Variants in BCAS3 observed in about 807,000 individuals in gnomAD.
The protein encoded by BCAS3 is BCAS3 microtubule associated cell migration factor, also known as BCAS4/BCAS3 fusion.
In BCAS3, 53 loss-of-function variants were observed where a neutral mutation model predicts 116.1. The ratio of observed to expected loss-of-function variants is 0.46; its 90% CI spans 0.37 to 0.57. The LOEUF (loss-of-function observed/expected upper bound fraction) is 0.57, where lower values mean the gene tolerates loss of function less well. BCAS3 is among the 20% of genes least tolerant of loss of function. The pLI is 0.00. For missense variants in BCAS3, 917 were observed against 1,165.4 expected (o/e 0.79, Z 3.10); for synonymous variants, 391 against 408.2 (o/e 0.96, Z 0.51).
chr17:60,874,883 TTGAGTAATA>T, intron 9 of BCAS3, 145 bp downstream of exon 9: 1 of 529,072 alleles, frequency 1.9e-6, no homozygotes, highest in Non-Finnish European at 3.3e-6. Flanking sequence ...GCTATTCTCA[TTGAGTAATA>T]TTCTTGTATG....
chr17:61,236,250 G>C lies in BCAS3; in HGVS notation c.2426-132077G>C, dbSNP rs544412570. ...GTGGTGTTCTGTAGGAAAGTGGGAGGACAGGGGCAAGTTGCTCTTCTTCTT... is the reference window on the plus strand; with the variant it reads ...GTGGTGTTCTGTAGGAAAGTGGGAGCACAGGGGCAAGTTGCTCTTCTTCTT... On this transcript the variant is annotated intron_variant, in intron 22 of 23. Transcript: ENST00000407086. Among the ~76,000 whole-genome samples the C allele has an allele frequency of 2.6e-5, 4 of 152,302 alleles. No homozygotes were observed. The South Asian group carries it at 8.3e-4, about 32-fold the overall frequency.
chr17:61,214,442 T>C lies in BCAS3; in HGVS notation c.2425+129878T>C, dbSNP rs2081651606. Among the ~76,000 whole-genome samples, 1 of 152,000 alleles carries C rather than the reference T, an allele frequency of 6.6e-6. No homozygotes were observed. The highest frequency in any genetic ancestry group is 2.4e-5 in the African/African-American group (1 of 41,368). On this transcript the variant is annotated intron_variant, in intron 22 of 23. Coordinates refer to ENST00000407086, the MANE Select transcript of BCAS3 (RefSeq NM_017679.5). The surrounding 1 kb of genome is among the most constrained non-coding windows in gnomAD (Gnocchi z 4.4). ...GCTCATGCCTGTAATCCCAGCACTT[T>C]GCAAGGCCGAGGCAGGTGGATCACA... is the stretch of plus-strand genomic sequence containing the variant.
chr17:61,300,845 G>A lies in BCAS3; in HGVS notation c.2426-67482G>A. 6.6e-6 allele frequency among the ~76,000 whole-genome samples: 1 copy of A among 152,056 alleles called. No homozygotes were observed. Among genetic ancestry groups the A allele is most frequent in the Admixed American group, 6.5e-5 (1 of 15,272 alleles). On this transcript the variant is annotated intron_variant, in intron 22 of 23. Coordinates refer to ENST00000407086, the MANE Select transcript of BCAS3 (RefSeq NM_017679.5). The surrounding 1 kb of genome is among the most constrained non-coding windows in gnomAD (Gnocchi z 5.1). ...CCCTCCCTCTTCTAGCCTCTGCCCA[G>A]GAATCATTTGTAGGCAAACACATAT...
At chr17:61,110,322 T>C (rs1403526992) in intron 22 of BCAS3, among the ~76,000 whole-genome samples, 1 of 152,148 alleles carries the variant, frequency 6.6e-6, no homozygotes, top group Non-Finnish European at 1.5e-5. Flanking sequence ...TGCATTTCCA[T>C]CTGAGGTACC....
chr17:60,895,793 G>T (rs911940332), intron 10 of BCAS3, among the ~76,000 whole-genome samples: 2 of 152,098 alleles, frequency 1.3e-5, no homozygotes, highest in Non-Finnish European at 2.9e-5. Flanking sequence ...TAGTGTTCAG[G>T]GGCATGTTAT....
intron 4 of BCAS3, 72 bp downstream of exon 4, chr17:60,689,833 C>A: frequency 4.7e-6 from 5 of 1,055,564 alleles, no homozygotes; most frequent in South Asian, 1.4e-5. Context: ...AAAAAGAGAG[C>A]CTCTACTTTA....
chr17:60,840,679 T>A (rs2051820922), intron 7 of BCAS3, among the ~76,000 whole-genome samples: 1 of 152,138 alleles, frequency 6.6e-6, no homozygotes, highest in Admixed American at 6.5e-5. Flanking sequence ...TGTCAGAAGG[T>A]TTCCCCGTGT....
intron 22 of BCAS3, among the ~76,000 whole-genome samples, chr17:61,257,708 A>G (rs575948186): frequency 7.0e-4 from 106 of 152,318 alleles, no homozygotes; most frequent in Non-Finnish European, 1.4e-3. Context: ...TTTGGGATCA[A>G]TCAAATAATT....
chr17:61,191,511 C>T (rs963526493), intron 22 of BCAS3, among the ~76,000 whole-genome samples: 36 of 152,284 alleles, frequency 2.4e-4, no homozygotes, highest in Admixed American at 6.5e-4. Context: ...CGCGGTGGCT[C>T]ACGCCTGTAA....
rs2043137344 is a variant in BCAS3, at chr17:60,757,658, T to C, written c.403+10379T>C. ...TGAGTTCTTTGTATACTCTGGATAT[T>C]AGTCCCTTATTGGATGAATAGTTTG... is the stretch of plus-strand genomic sequence containing the variant. On this transcript the variant is annotated intron_variant, in intron 6 of 23. Transcript: ENST00000407086. Among the ~76,000 whole-genome samples the C allele has an allele frequency of 1.3e-5, 2 of 152,174 alleles. 1 individual carries two copies. Among genetic ancestry groups the C allele is most frequent in the South Asian group, 4.1e-4 (2 of 4,830 alleles).
In BCAS3 at chr17:61,217,414, A is replaced by G. The variant is rs2081864215; in HGVS notation, c.2425+132850A>G. Among the ~76,000 whole-genome samples, 1 of 152,254 alleles carries G rather than the reference A, an allele frequency of 6.6e-6. No individual in the cohort carries two copies. The highest frequency in any genetic ancestry group is 2.4e-5 in the African/African-American group (1 of 41,472). ...CCCAGCTGGATGATTTCCAGTCCTT[A>G]CAATGGTTTGGAAGCATTTGGTAGG... On this transcript the variant is annotated intron_variant, in intron 22 of 23. Coordinates refer to ENST00000407086, the MANE Select transcript of BCAS3 (RefSeq NM_017679.5). This position sits in a 1 kb window ranked among gnomAD's most constrained non-coding sequence, Gnocchi z 5.2.
At chr17:61,328,140 G>A (rs1330249787) in intron 22 of BCAS3, among the ~76,000 whole-genome samples, 12 of 151,636 alleles carry the variant, frequency 7.9e-5, no homozygotes, top group Non-Finnish European at 1.5e-4. Context: ...TGCACATATC[G>A]TGGAATAACC....
rs1316201161 is a variant in BCAS3, at chr17:61,021,071, T to C, written c.1637+5170T>C. Among the ~76,000 whole-genome samples the C allele has an allele frequency of 6.6e-6, 1 of 152,126 alleles. No homozygotes were observed. The highest frequency in any genetic ancestry group is 1.5e-5 in the Non-Finnish European group (1 of 68,006). On this transcript the variant is annotated intron_variant, in intron 16 of 23. Transcript: ENST00000407086. The surrounding 1 kb of genome is among the most constrained non-coding windows in gnomAD (Gnocchi z 4.6). ...CTCATTTCATTTCTTCTCTTTTCTT[T>C]TGAGACAGAGTCTTGCTCTGTCACC...
At chr17:60,941,501 A>G (rs1039420067) in intron 13 of BCAS3, among the ~76,000 whole-genome samples, 13 of 152,200 alleles carry the variant, frequency 8.5e-5, no homozygotes, top group Admixed American at 4.6e-4. Context: ...GCACGTGACT[A>G]TGTAGTCCTA....
intron 22 of BCAS3, among the ~76,000 whole-genome samples, chr17:61,108,055 T>G (rs1449963382): frequency 6.6e-6 from 1 of 152,250 alleles, no homozygotes; most frequent in Non-Finnish European, 1.5e-5. Flanking sequence ...GTCTATTTCT[T>G]CCTTCAGTTC....
At chr17:60,780,351 G>C (rs1009271587) in intron 6 of BCAS3, among the ~76,000 whole-genome samples, 1 of 151,004 alleles carries the variant, frequency 6.6e-6, no homozygotes, top group Non-Finnish European at 1.5e-5. Context: ...CTGGGGTGCG[G>C]TGGAGCGATC....
rs370578955 is a variant in BCAS3, at chr17:60,948,822, A to G, written c.1221+1470A>G. ...GTTTACCCCACTTTTCTTGTTATCA[A>G]TTTAATAAGACAATCAAGTAGTTGA... On this transcript the variant is annotated intron_variant, in intron 14 of 23. Coordinates refer to ENST00000407086, the MANE Select transcript of BCAS3 (RefSeq NM_017679.5). 4.6e-5 allele frequency among the ~76,000 whole-genome samples: 7 copies of G among 152,320 alleles called. No individual in the cohort carries two copies. In the East Asian group the frequency reaches 9.6e-4, roughly 21 times the overall value.
At chr17:60,794,471 T>C (rs1054036840) in intron 6 of BCAS3, among the ~76,000 whole-genome samples, 1 of 152,234 alleles carries the variant, frequency 6.6e-6, no homozygotes, top group Non-Finnish European at 1.5e-5. Context: ...GGTCATGATA[T>C]CTTGCCTAAG....
At chr17:60,773,042 A>G (rs1227920129) in intron 6 of BCAS3, among the ~76,000 whole-genome samples, 1 of 152,202 alleles carries the variant, frequency 6.6e-6, no homozygotes, top group Non-Finnish European at 1.5e-5. Flanking sequence ...CTGCAAAGCT[A>G]TCTTCCAAAG....
Sources: gnomAD v4.1 joint callset for allele counts (sites outside exome capture counted in the v4.1 genomes callset) on GRCh38, gnomAD v4.1.1 for gene constraint, Gnocchi (gnomAD v3.1) non-coding constraint, MANE v1.5 for transcripts, NCBI Gene and HGNC (gene_info 2026-07-23, HGNC 2026-07-21) for gene names.